Variants in FBXO25 observed in about 807,000 individuals in gnomAD.
FBXO25 encodes F-box protein 25.
A neutral mutation model predicts 51.9 loss-of-function variants in FBXO25; 45 were observed. The observed-to-expected ratio is 0.87, with a 90% CI of 0.68 to 1.11. The LOEUF (loss-of-function observed/expected upper bound fraction) is 1.11, where lower values mean the gene tolerates loss of function less well. Ranked by LOEUF, FBXO25 falls within the 50% of genes most tolerant of loss-of-function variation. FBXO25 has a pLI of 0.00. For synonymous variants in FBXO25, 199 were observed against 151.0 expected (o/e 1.32, Z -2.33); for missense variants, 507 against 428.5 (o/e 1.18, Z -1.62).
chr8:467,779 C>A, intron 9 of FBXO25: 2 of 1,613,150 alleles, frequency 1.2e-6, no homozygotes, highest in South Asian at 2.2e-5. Flanking sequence ...ATCCTGTGTT[C>A]GGGATGAAAA....
In FBXO25 at chr8:451,174, C is replaced by T. The variant is rs927784859; in HGVS notation, c.476-95C>T. On this transcript the variant is annotated intron_variant, in intron 6 of 9. Coordinates refer to ENST00000350302, the MANE Select transcript of FBXO25 (RefSeq NM_183420.2). ...ATAGATCACACGTTGTTTGTCTGTT[C>T]GTCTATCAGTGGACATTTGGGTTAT... 1.6e-5 allele frequency: 16 copies of T among 1,008,554 alleles called. No individual in the cohort carries two copies. In the African/African-American group the frequency reaches 1.6e-4, roughly 10 times the overall value. The allele number at this position is 1,008,554 out of a possible 1,614,324, so 62.5% of individuals were successfully genotyped here.
intron 5 of FBXO25, among the ~76,000 whole-genome samples, chr8:442,750 G>A (rs1439042042): frequency 2.6e-5 from 4 of 152,138 alleles, no homozygotes; most frequent in South Asian, 2.1e-4. Context: ...GATTTCAGGC[G>A]TTAGCCACCC....
intron 5 of FBXO25, among the ~76,000 whole-genome samples, chr8:438,963 C>T (rs1230272091): frequency 1.3e-5 from 2 of 152,198 alleles, no homozygotes; most frequent in African/African-American, 4.8e-5. Flanking sequence ...TTGTTCACTG[C>T]TGTTCACCCA....
At chr8:422,369 A>G (rs1197324632) in intron 2 of FBXO25, among the ~76,000 whole-genome samples, 1 of 152,238 alleles carries the variant, frequency 6.6e-6, no homozygotes, top group Admixed American at 6.5e-5. Context: ...ATTCTACAAA[A>G]TAATTGACCG....
At chr8:454,752 G>T (rs1011403390) in intron 7 of FBXO25, among the ~76,000 whole-genome samples, 1 of 151,936 alleles carries the variant, frequency 6.6e-6, no homozygotes, top group Non-Finnish European at 1.5e-5. Flanking sequence ...TTAGCCGGGC[G>T]TGGTGGGACG....
At chr8:425,333 C>T (rs1797407137) in intron 2 of FBXO25, among the ~76,000 whole-genome samples, 1 of 151,544 alleles carries the variant, frequency 6.6e-6, no homozygotes, top group African/African-American at 2.4e-5. Context: ...ACATTTTTCT[C>T]TCTATCCCTT....
At chr8:461,373 T>C (rs1289359540) in intron 8 of FBXO25, among the ~76,000 whole-genome samples, 1 of 152,174 alleles carries the variant, frequency 6.6e-6, no homozygotes, top group Non-Finnish European at 1.5e-5. Context: ...TGGGGAGGCC[T>C]CACAATCCTG....
At chr8:423,166 G>C (rs189915030) in intron 2 of FBXO25, among the ~76,000 whole-genome samples, 3 of 150,976 alleles carry the variant, frequency 2.0e-5, no homozygotes, top group Non-Finnish European at 3.0e-5. Context: ...TTTTCTCTCT[G>C]TCTTCCTGGA....
chr8:434,197 C>T (rs1363521132), intron 4 of FBXO25, among the ~76,000 whole-genome samples: 2 of 152,176 alleles, frequency 1.3e-5, no homozygotes, highest in African/African-American at 4.8e-5. Context: ...TGGTACAGAG[C>T]AAGTGCCTGC....
At chr8:446,183 G>C (rs1301672851) in intron 5 of FBXO25, among the ~76,000 whole-genome samples, 1 of 152,070 alleles carries the variant, frequency 6.6e-6, no homozygotes, top group Non-Finnish European at 1.5e-5. Flanking sequence ...TGAAACTGTG[G>C]AAATAGTTTA....
chr8:412,085 C>T (rs1261911438), intron 1 of FBXO25, among the ~76,000 whole-genome samples: 1 of 152,214 alleles, frequency 6.6e-6, no homozygotes, highest in Non-Finnish European at 1.5e-5. Context: ...AAGTCTCACT[C>T]TTATCAAATT....
intron 5 of FBXO25, among the ~76,000 whole-genome samples, chr8:437,583 C>G (rs1798175261): frequency 6.6e-6 from 1 of 152,194 alleles, no homozygotes; most frequent in Non-Finnish European, 1.5e-5. Context: ...TTACCTTCTG[C>G]TAAAAACAAA....
At position 426,398 on chromosome 8, in the gene FBXO25, A is replaced by G. The variant is rs900030243; in HGVS notation, c.135-4943A>G. 3.3e-5 allele frequency among the ~76,000 whole-genome samples: 5 copies of G among 152,184 alleles called. No homozygotes were observed. The East Asian group carries it at 9.7e-4, about 29-fold the overall frequency. ...TTCTGGACCTGTAATCCCTACTACA[A>G]AGCCACTCACGAGTCCAGTTTTCAT... On this transcript the variant is annotated intron_variant, in intron 2 of 9. Transcript: ENST00000350302.
chr8:456,923 C>G, intron 7 of FBXO25, among the ~76,000 whole-genome samples: 1 of 152,280 alleles, frequency 6.6e-6, no homozygotes, highest in African/African-American at 2.4e-5. Context: ...CCCCAGTCAC[C>G]TCTCCCTACG....
chr8:427,292 G>A (rs1413588310), intron 2 of FBXO25, among the ~76,000 whole-genome samples: 1 of 151,862 alleles, frequency 6.6e-6, no homozygotes, highest in East Asian at 1.9e-4. Flanking sequence ...TGTCAGAGGA[G>A]GCCAGGGTGG....
At chr8:450,696 T>C (rs941665540) in intron 6 of FBXO25, 15 of 152,298 alleles carry the variant, frequency 9.8e-5, no homozygotes, top group African/African-American at 3.6e-4. Flanking sequence ...ATTTGTGATA[T>C]CTCAAAAATG....
In FBXO25 at chr8:450,006, C is replaced by T. The variant is rs748280134; in HGVS notation, c.398C>T (p.Ala133Val). 54 of 1,610,044 alleles carry T rather than the reference C, an allele frequency of 3.4e-5. No homozygotes were observed. The highest frequency in any genetic ancestry group is 4.1e-5 in the Non-Finnish European group (48 of 1,178,598). Residue 133 changes from alanine to valine, a missense_variant, in exon 6 of 10, where the codon GCA becomes GTA. By Grantham distance (64) the Ala-to-Val change is moderately conservative. Transcript: ENST00000350302. ...TCCTTTAAGCTGTTGCAGCTAATTG[C>T]AAAATCCCAGTTAACTTCATTGAGT... is the stretch of plus-strand genomic sequence containing the variant. Reference protein sequence around the residue: ...NYVVKLLQLIAKSQLTSLSGV... With the variant: ...NYVVKLLQLIVKSQLTSLSGV...
At chr8:454,568 G>A (rs370692399) in intron 7 of FBXO25, among the ~76,000 whole-genome samples, 2 of 152,288 alleles carry the variant, frequency 1.3e-5, no homozygotes, top group Middle Eastern at 3.4e-3. Context: ...CATTACATTG[G>A]TTCACAAGTG....
intron 2 of FBXO25, among the ~76,000 whole-genome samples, chr8:418,723 ATAGT>A (rs1433843759): frequency 2.0e-5 from 3 of 152,192 alleles, no homozygotes; most frequent in African/African-American, 4.8e-5. Context: ...GAAGATAAGA[ATAGT>A]TAATTTACAA....
Sources: allele counts gnomAD v4.1 joint callset (sites outside exome capture counted in the v4.1 genomes callset), GRCh38; gene constraint gnomAD v4.1.1; transcripts MANE v1.5; gene names NCBI Gene and HGNC (gene_info 2026-07-23, HGNC 2026-07-21).